The following WDFY2 variants were observed in gnomAD, a reference collection of about 807,000 sequenced individuals.
The protein encoded by WDFY2 is WD repeat and FYVE domain-containing protein 2.
In WDFY2, 36 loss-of-function variants were observed where a neutral mutation model predicts 56.4. The observed-to-expected ratio is 0.64, with a 90% CI of 0.49 to 0.84. The LOEUF (loss-of-function observed/expected upper bound fraction) is 0.84, where lower values mean the gene tolerates loss of function less well. Ranked by LOEUF, WDFY2 falls within the 40% of genes least tolerant of loss-of-function variation. The pLI, the probability that WDFY2 is intolerant of heterozygous loss-of-function variation, is 0.00. For synonymous variants in WDFY2, 176 were observed against 183.7 expected (o/e 0.96, Z 0.34); for missense variants, 444 against 512.2 (o/e 0.87, Z 1.29).
At chr13:51,680,934 A>G (rs1035785817) in intron 3 of WDFY2, among the ~76,000 whole-genome samples, 2 of 152,188 alleles carry the variant, frequency 1.3e-5, no homozygotes, top group Admixed American at 1.3e-4. Flanking sequence ...TCACTAGTGA[A>G]TTAGGAAGGA....
At position 51,667,879 on chromosome 13, in the gene WDFY2, CTTTTTTTTTT is replaced by C. The variant is rs66771214; in HGVS notation, c.205+7237_205+7246del. Among the ~76,000 whole-genome samples the C allele has an allele frequency of 7.6e-4, 38 of 50,042 alleles. 1 individual carries two copies. Among genetic ancestry groups the C allele is most frequent in the South Asian group, 6.2e-3 (9 of 1,442 alleles). 32.8% of individuals were successfully genotyped at this position (50,042 alleles called of 152,430 possible). ...GAAGAAAAAGGTACCTGAGGAACTT[CTTTTTTTTTT>C]TTTTTTTTTTTTTTTTTTTTGGTAT... On this transcript the variant is annotated intron_variant, in intron 2 of 11. Coordinates refer to ENST00000298125, the MANE Select transcript of WDFY2 (RefSeq NM_052950.4).
chr13:51,671,373 A>G (rs1219599583), intron 2 of WDFY2, among the ~76,000 whole-genome samples: 1 of 152,140 alleles, frequency 6.6e-6, no homozygotes, highest in Non-Finnish European at 1.5e-5. Context: ...CCATGCCAAC[A>G]TCTATTATAT....
Position 51,727,506 on chromosome 13 carries a change from A to G in WDFY2, c.486-172A>G, listed in dbSNP as rs893217672. On this transcript the variant is annotated intron_variant, in intron 5 of 11. Coordinates refer to ENST00000298125, the MANE Select transcript of WDFY2 (RefSeq NM_052950.4). Reference sequence around the variant, plus strand: ...TTTAAGTTTTAAGTCTTACTGTCCAATAATACAGTATGTCCTTCATTTAGT... The same window carrying G: ...TTTAAGTTTTAAGTCTTACTGTCCAGTAATACAGTATGTCCTTCATTTAGT... Among the ~76,000 whole-genome samples, 11 of 152,344 alleles carry G rather than the reference A, an allele frequency of 7.2e-5. No homozygotes were observed. In the South Asian group the frequency reaches 1.2e-3, roughly 17 times the overall value.
intron 1 of WDFY2, among the ~76,000 whole-genome samples, chr13:51,655,568 T>A (rs946575339): frequency 2.0e-5 from 3 of 152,212 alleles, no homozygotes; most frequent in African/African-American, 7.2e-5. Context: ...ATCGTTTTAA[T>A]GTGCTGTTGA....
At chr13:51,606,083 A>G (rs937586915) in intron 1 of WDFY2, among the ~76,000 whole-genome samples, 2 of 152,216 alleles carry the variant, frequency 1.3e-5, no homozygotes, top group African/African-American at 4.8e-5. Context: ...TCCTCCACTG[A>G]CTAGCTGTGG....
At chr13:51,619,441 A>G (rs1427367570) in intron 1 of WDFY2, among the ~76,000 whole-genome samples, 1 of 152,110 alleles carries the variant, frequency 6.6e-6, no homozygotes, top group African/African-American at 2.4e-5. Flanking sequence ...TCCAAAAAAA[A>G]AAAAACAAAA....
At chr13:51,654,209 C>T (rs1037432360) in intron 1 of WDFY2, among the ~76,000 whole-genome samples, 13 of 152,208 alleles carry the variant, frequency 8.5e-5, no homozygotes, top group Non-Finnish European at 1.5e-4. Context: ...GAGCCAGGCG[C>T]GGGATACAAT....
chr13:51,702,267 G>T (rs1050495654), intron 3 of WDFY2, among the ~76,000 whole-genome samples: 1 of 151,084 alleles, frequency 6.6e-6, no homozygotes, highest in Non-Finnish European at 1.5e-5. Context: ...AGCCAGGATC[G>T]CGCCACTGCA....
intron 4 of WDFY2, among the ~76,000 whole-genome samples, chr13:51,709,338 T>C (rs1455354540): frequency 6.6e-6 from 1 of 152,184 alleles, no homozygotes; most frequent in Non-Finnish European, 1.5e-5. Flanking sequence ...CAAAATGGAA[T>C]TGAAGTAGGA....
At chr13:51,640,040 T>C (rs1955126120) in intron 1 of WDFY2, among the ~76,000 whole-genome samples, 1 of 152,238 alleles carries the variant, frequency 6.6e-6, no homozygotes, top group South Asian at 2.1e-4. Flanking sequence ...GCACAATTTA[T>C]TCAAGGTGGT....
chr13:51,702,238 G>A, intron 3 of WDFY2, among the ~76,000 whole-genome samples: 1 of 151,872 alleles, frequency 6.6e-6, no homozygotes, highest in East Asian at 1.9e-4. Context: ...CTTGAACCTG[G>A]GAGGCAGAGG....
intron 1 of WDFY2, among the ~76,000 whole-genome samples, chr13:51,653,372 AGTTT>A (rs763890091): frequency 1.3e-5 from 2 of 152,094 alleles, no homozygotes; most frequent in Non-Finnish European, 2.9e-5. Context: ...AGCTCGGAAA[AGTTT>A]GATCATCTGA....
At chr13:51,695,417 G>GT (rs1315286773) in intron 3 of WDFY2, among the ~76,000 whole-genome samples, 1 of 152,212 alleles carries the variant, frequency 6.6e-6, no homozygotes, top group African/African-American at 2.4e-5. Context: ...ACCCTCAGCT[G>GT]TATGTCTGTT....
intron 3 of WDFY2, among the ~76,000 whole-genome samples, chr13:51,702,359 A>C (rs999209822): frequency 3.3e-5 from 5 of 152,102 alleles, no homozygotes; most frequent in African/African-American, 1.2e-4. Flanking sequence ...TGTAGGTCTA[A>C]CTCTTCCAAA....
chr13:51,713,484 A>G (rs984972889), intron 4 of WDFY2, among the ~76,000 whole-genome samples: 7 of 152,252 alleles, frequency 4.6e-5, no homozygotes, highest in East Asian at 1.9e-4. Flanking sequence ...TGGTGTATAC[A>G]TACAGTGGAA....
intron 5 of WDFY2, among the ~76,000 whole-genome samples, chr13:51,720,152 A>T (rs1283660487): frequency 6.6e-6 from 1 of 152,244 alleles, no homozygotes; most frequent in Non-Finnish European, 1.5e-5. Flanking sequence ...AGGAAGAAAC[A>T]GTAAGTCCTG....
chr13:51,584,891 A>G (rs1442119260), intron 1 of WDFY2, 67 bp downstream of exon 1: 2 of 1,593,886 alleles, frequency 1.3e-6, no homozygotes, highest in Admixed American at 1.7e-5. Flanking sequence ...AGCCCGCGTC[A>G]GGGGCTGTGC....
At chr13:51,685,117 G>A (rs1006168638) in intron 3 of WDFY2, among the ~76,000 whole-genome samples, 10 of 152,034 alleles carry the variant, frequency 6.6e-5, no homozygotes, top group Admixed American at 2.6e-4. Flanking sequence ...ACCTCCTGCC[G>A]CCTCTATGGA....
intron 4 of WDFY2, among the ~76,000 whole-genome samples, chr13:51,714,213 C>CA (rs35033926): frequency 0.02 from 2,706 of 134,572 alleles, 41 homozygotes; most frequent in African/African-American, 0.037. Flanking sequence ...TAATTCCTTT[C>CA]AAAAAAAAAA....
Sources: gnomAD v4.1 joint callset for allele counts (sites outside exome capture counted in the v4.1 genomes callset) on GRCh38, gnomAD v4.1.1 for gene constraint, MANE v1.5 for transcripts, NCBI Gene and HGNC (gene_info 2026-07-23, HGNC 2026-07-21) for gene names.